HGSNAT: variants seen among roughly 807,000 people sequenced by gnomAD.
HGSNAT encodes the protein transmembrane protein 76.
HGSNAT carries 59 observed loss-of-function variants against 85.2 expected under a neutral mutation model. The observed-to-expected ratio is 0.69, with a 90% CI of 0.56 to 0.86. HGSNAT has a LOEUF of 0.86. HGSNAT is among the 40% of genes least tolerant of loss of function. The probability of loss-of-function intolerance (pLI) is 0.00; values close to 1 mark genes in which losing one functional copy is unlikely to be tolerated. For missense variants in HGSNAT, 756 were observed against 777.1 expected, an observed-to-expected ratio of 0.97 and a Z score of 0.32; for synonymous variants, 321 against 304.5, an observed-to-expected ratio of 1.05 and a Z score of -0.56.
intron 1 of HGSNAT, among the ~76,000 whole-genome samples, chr8:43,145,299 T>A (rs777619333): frequency 4.6e-5 from 7 of 152,126 alleles, no homozygotes; most frequent in Admixed American, 1.3e-4. Flanking sequence ...ATCCTCATGA[T>A]GGCCAAAAAA....
At chr8:43,171,393 A>C (rs920560684) in intron 7 of HGSNAT, among the ~76,000 whole-genome samples, 1 of 152,214 alleles carries the variant, frequency 6.6e-6, no homozygotes, top group Non-Finnish European at 1.5e-5. Flanking sequence ...TGGAGTTCTC[A>C]TAATGTGCCA....
intron 2 of HGSNAT, among the ~76,000 whole-genome samples, chr8:43,156,698 T>C (rs1282029295): frequency 6.6e-6 from 1 of 152,206 alleles, no homozygotes; most frequent in East Asian, 1.9e-4. Flanking sequence ...GTTACAATGT[T>C]GGGTGCAAAT....
At chr8:43,187,156 G>A (rs969920207) in intron 11 of HGSNAT, among the ~76,000 whole-genome samples, 5 of 152,174 alleles carry the variant, frequency 3.3e-5, no homozygotes, top group African/African-American at 4.8e-5. Context: ...TGTCTATCAG[G>A]TCTGTGTGGT....
At chr8:43,192,761 GA>G (rs1314134273) in intron 13 of HGSNAT, among the ~76,000 whole-genome samples, 6 of 140,478 alleles carry the variant, frequency 4.3e-5, no homozygotes, top group African/African-American at 7.9e-5. Context: ...TCTCTGTAAG[GA>G]AAAAAAAAAC....
At chr8:43,162,699 G>C (rs1803304652) in intron 5 of HGSNAT, among the ~76,000 whole-genome samples, 1 of 151,480 alleles carries the variant, frequency 6.6e-6, no homozygotes, top group African/African-American at 2.4e-5. Flanking sequence ...CTACAGGCAT[G>C]CATCACCATG....
At chr8:43,157,231 A>G (rs557841711) in intron 2 of HGSNAT, among the ~76,000 whole-genome samples, 2 of 152,344 alleles carry the variant, frequency 1.3e-5, no homozygotes, top group East Asian at 3.9e-4. Context: ...AAACAAAATA[A>G]CAAAATTATT....
rs995506310 is a variant in HGSNAT, at chr8:43,199,692, G to A, written c.*123G>A. The A allele has an allele frequency of 4.5e-6, 3 of 670,862 alleles. No individual in the cohort carries two copies. Among genetic ancestry groups the A allele is most frequent in the Non-Finnish European group, 4.5e-6 (2 of 440,408 alleles). The allele number at this position is 670,862 out of a possible 1,614,324, so 41.6% of individuals were successfully genotyped here. On this transcript the variant is annotated 3_prime_UTR_variant, in exon 18 of 18. Coordinates refer to ENST00000379644, the MANE Select transcript of HGSNAT (RefSeq NM_152419.3). ...CTGGCTGCGTGTTTACAGACTCTGGGGGAAGACACTGATGTCCTCAAACTG... is the reference window on the plus strand; with the variant it reads ...CTGGCTGCGTGTTTACAGACTCTGGAGGAAGACACTGATGTCCTCAAACTG...
At chr8:43,180,645 C>T (rs1463221421) in intron 10 of HGSNAT, 2 of 217,854 alleles carry the variant, frequency 9.2e-6, no homozygotes, top group Non-Finnish European at 1.9e-5. Context: ...CCTCACATCC[C>T]AGACGATGGG....
chr8:43,177,733 G>A (rs927928727), intron 9 of HGSNAT, among the ~76,000 whole-genome samples: 1 of 152,094 alleles, frequency 6.6e-6, no homozygotes, highest in Non-Finnish European at 1.5e-5. Context: ...GGGCTTTGAG[G>A]GTGTGCTTGT....
intron 5 of HGSNAT, among the ~76,000 whole-genome samples, chr8:43,166,247 T>C (rs1803431451): frequency 6.6e-6 from 1 of 152,206 alleles, no homozygotes; most frequent in Admixed American, 6.5e-5. Flanking sequence ...CCAGCTAAGA[T>C]AATTGATGAA....
intron 13 of HGSNAT, 88 bp from the exon 14 acceptor site, chr8:43,193,669 G>GT: frequency 1.2e-6 from 1 of 804,088 alleles, no homozygotes; most frequent in Non-Finnish European, 2.1e-6. Flanking sequence ...ATACTGGAGT[G>GT]TATTCAGGTT....
intron 9 of HGSNAT, among the ~76,000 whole-genome samples, chr8:43,175,583 C>G (rs1329740204): frequency 5.0e-5 from 1 of 20,020 alleles, no homozygotes; most frequent in Admixed American, 6.7e-4. Flanking sequence ...TTTTTTTTTT[C>G]AAGATGAAGT....
chr8:43,190,884 C>A (rs979383485), intron 11 of HGSNAT, among the ~76,000 whole-genome samples: 4 of 152,076 alleles, frequency 2.6e-5, no homozygotes, highest in Admixed American at 6.5e-5. Context: ...CACGAAGAAC[C>A]CTGCACTAAC....
intron 2 of HGSNAT, among the ~76,000 whole-genome samples, chr8:43,154,112 G>A (rs183256635): frequency 1.3e-5 from 2 of 152,220 alleles, no homozygotes; most frequent in Admixed American, 6.5e-5. Flanking sequence ...AGGCCAGGGG[G>A]CTGCTTTGAA....
chr8:43,175,280 T>C (rs1194659416), intron 9 of HGSNAT, among the ~76,000 whole-genome samples: 2 of 152,210 alleles, frequency 1.3e-5, no homozygotes, highest in Non-Finnish European at 2.9e-5. Flanking sequence ...CCTCTACTTT[T>C]AGGTTTTGAG....
intron 4 of HGSNAT, among the ~76,000 whole-genome samples, chr8:43,160,944 A>G (rs1255350553): frequency 2.0e-5 from 3 of 152,110 alleles, no homozygotes; most frequent in Non-Finnish European, 2.9e-5. Context: ...TTTTCTCATG[A>G]ATAGGTAGAG....
rs181283666 is a variant in HGSNAT at position 43,185,340 on chromosome 8, G to A, written c.1128+3080G>A. 1.6e-3 allele frequency among the ~76,000 whole-genome samples: 248 copies of A among 152,144 alleles called. 1 individual carries two copies. Among genetic ancestry groups the A allele is most frequent in the African/African-American group, 5.4e-3 (224 of 41,524 alleles). On this transcript the variant is annotated intron_variant, in intron 11 of 17. Transcript: ENST00000379644. The stretch of plus-strand genomic sequence containing the variant: ...AGCAGTGGTTTGTAGTTCTCCTTGA[G>A]GAGGTCCTTCACATCCCTTGTAAGT...
chr8:43,166,458 C>T (rs1305820083), intron 5 of HGSNAT, among the ~76,000 whole-genome samples: 1 of 152,180 alleles, frequency 6.6e-6, no homozygotes, highest in Non-Finnish European at 1.5e-5. Context: ...TCCTAGGGTC[C>T]TTAAGAATTA....
chr8:43,168,981 A>G (rs928477079), intron 5 of HGSNAT, among the ~76,000 whole-genome samples, 192 bp from the exon 6 acceptor site: 1 of 152,210 alleles, frequency 6.6e-6, no homozygotes, highest in African/African-American at 2.4e-5. Context: ...CTATGCTGTC[A>G]GAGTTGAGTA....
Sources: gnomAD v4.1 joint callset for allele counts (sites outside exome capture counted in the v4.1 genomes callset) on GRCh38, gnomAD v4.1.1 for gene constraint, MANE v1.5 for transcripts, NCBI Gene and HGNC (gene_info 2026-07-23, HGNC 2026-07-21) for gene names.